The following RAP1GDS1 variants were observed in gnomAD, a reference collection of about 807,000 sequenced individuals.
The protein encoded by RAP1GDS1 is RAP1, GTP-GDP dissociation stimulator 1.
In RAP1GDS1, 35 loss-of-function variants were observed where a neutral mutation model predicts 71.1. The observed-to-expected ratio is 0.49, with a 90% confidence interval of 0.38 to 0.65. The LOEUF (loss-of-function observed/expected upper bound fraction) is 0.65. RAP1GDS1 is among the 30% of genes least tolerant of loss of function. The pLI is 0.00. For synonymous variants in RAP1GDS1, 229 were observed against 243.1 expected (o/e 0.94, Z 0.54); for missense variants, 663 against 706.1 (o/e 0.94, Z 0.69).
At position 98,261,541 on chromosome 4, in the gene RAP1GDS1, C is replaced by G. The variant is rs771977624; in HGVS notation, c.-25C>G. The stretch of plus-strand genomic sequence containing the variant: ...ACCACAGACCTTCGCCTCGCCCCGC[C>G]GGTTCCTCACCCTCGGGGAGCAACA... On this transcript the variant is annotated 5_prime_UTR_variant, in exon 1 of 15. Transcript: ENST00000408927. 5.0e-6 allele frequency: 8 copies of G among 1,598,722 alleles called. No individual in the cohort carries two copies. The highest frequency in any genetic ancestry group is 1.1e-5 in the South Asian group (1 of 89,330).
intron 2 of RAP1GDS1, among the ~76,000 whole-genome samples, chr4:98,319,463 G>C (rs946606391): frequency 6.6e-6 from 1 of 152,000 alleles, no homozygotes; most frequent in African/African-American, 2.4e-5. Context: ...TATTTTAAGA[G>C]CCATTATAGT....
intron 7 of RAP1GDS1, among the ~76,000 whole-genome samples, chr4:98,415,243 A>G (rs1485452385): frequency 6.6e-6 from 1 of 152,126 alleles, no homozygotes; most frequent in Admixed American, 6.6e-5. Context: ...AATCACTGTT[A>G]TTCTGTTTGT....
chr4:98,325,408 C>G (rs1254581530), intron 2 of RAP1GDS1, among the ~76,000 whole-genome samples: 1 of 151,296 alleles, frequency 6.6e-6, no homozygotes, highest in South Asian at 2.1e-4. Context: ...TTGACCCAGC[C>G]ATCCCATTAC....
intron 1 of RAP1GDS1, among the ~76,000 whole-genome samples, chr4:98,272,753 A>G (rs181117491): frequency 2.0e-4 from 30 of 152,256 alleles, no homozygotes; most frequent in African/African-American, 6.5e-4. Flanking sequence ...TCTTGGTCCA[A>G]TCACTGAACT....
In RAP1GDS1 at chr4:98,434,030, T is replaced by G. The variant is rs1485429811; in HGVS notation, c.1535T>G (p.Val512Gly). Residue 512 changes from valine (V) to glycine (G), a missense_variant, in exon 13 of 15, where the codon GTT (valine) becomes GGT (glycine). Transcript: ENST00000408927. ...EHVIMQNEAL[V>G]ALALIAALEL... Reference sequence around the variant, plus strand: ...GTAATAATGCAGAATGAAGCTCTTGTTGCTTTGGCATTAATAGCAGCTTTA... The same window carrying G: ...GTAATAATGCAGAATGAAGCTCTTGGTGCTTTGGCATTAATAGCAGCTTTA... 1 of 1,613,910 alleles carries G rather than the reference T, an allele frequency of 6.2e-7. No individual in the cohort carries two copies. The highest frequency in any genetic ancestry group is 2.2e-5 in the East Asian group (1 of 44,848).
intron 4 of RAP1GDS1, among the ~76,000 whole-genome samples, chr4:98,359,310 T>A (rs1359429029): frequency 6.6e-6 from 1 of 151,940 alleles, no homozygotes; most frequent in Non-Finnish European, 1.5e-5. Flanking sequence ...CCAAAAAAAG[T>A]GAAATTATGA....
rs193004384 is a variant in RAP1GDS1 at position 98,275,452 on chromosome 4, G to A, written c.4+13883G>A. On this transcript the variant is annotated intron_variant, in intron 1 of 14. Coordinates refer to ENST00000408927, the MANE Select transcript of RAP1GDS1 (RefSeq NM_001100427.2). ...GGCAATGCACAAAGGAATGAGTTGTGTTCCAATAAAATTTTATGGGCACTG... is the reference window on the plus strand; with the variant it reads ...GGCAATGCACAAAGGAATGAGTTGTATTCCAATAAAATTTTATGGGCACTG... 1.8e-3 allele frequency among the ~76,000 whole-genome samples: 270 copies of A among 152,232 alleles called. 3 individuals are homozygous for A. The highest frequency in any genetic ancestry group is 0.017 in the Admixed American group (263 of 15,290).
At chr4:98,382,499 T>A (rs1484138013) in intron 5 of RAP1GDS1, among the ~76,000 whole-genome samples, 1 of 151,564 alleles carries the variant, frequency 6.6e-6, no homozygotes, top group Non-Finnish European at 1.5e-5. Flanking sequence ...TTGAACTTGC[T>A]ATTTTTTTTT....
chr4:98,346,505 G>A (rs938422831), intron 3 of RAP1GDS1, among the ~76,000 whole-genome samples: 1 of 151,922 alleles, frequency 6.6e-6, no homozygotes, highest in Non-Finnish European at 1.5e-5. Context: ...AGTATACCTC[G>A]AGACCTCAGT....
chr4:98,354,839 A>T (rs1358877320), intron 4 of RAP1GDS1, among the ~76,000 whole-genome samples: 1 of 152,178 alleles, frequency 6.6e-6, no homozygotes, highest in East Asian at 1.9e-4. Context: ...ACTTTAGTTC[A>T]GGAAAATGAA....
At position 98,394,571 on chromosome 4, in the gene RAP1GDS1, G is replaced by A. The variant is rs140010941; in HGVS notation, c.637+2491G>A. On this transcript the variant is annotated intron_variant, in intron 6 of 14. Transcript: ENST00000408927. ...TTACAGCACCCGTATGAAGTAAACT[G>A]GGCCTAATCCTTACAGTTAACCCAA... 4.5e-3 allele frequency among the ~76,000 whole-genome samples: 681 copies of A among 152,158 alleles called. 3 individuals are homozygous for A. The highest frequency in any genetic ancestry group is 7.6e-3 in the Admixed American group (116 of 15,286).
chr4:98,413,625 G>T (rs1747445097), intron 7 of RAP1GDS1, among the ~76,000 whole-genome samples: 1 of 151,608 alleles, frequency 6.6e-6, no homozygotes, highest in Non-Finnish European at 1.5e-5. Context: ...ATCATTGTTG[G>T]ACATTTGGGT....
At chr4:98,341,428 T>C (rs772503968) in intron 2 of RAP1GDS1, among the ~76,000 whole-genome samples, 22 of 152,246 alleles carry the variant, frequency 1.4e-4, no homozygotes, top group Non-Finnish European at 2.9e-4. Context: ...CATTCCACTA[T>C]GATATTAAGC....
rs1267667050 is a variant in RAP1GDS1, at chr4:98,273,461, AATTT to A, written c.4+11896_4+11899del. On this transcript the variant is annotated intron_variant, in intron 1 of 14. Transcript: ENST00000408927. ...AAATATGATAACATTAATTGAACAC[AATTT>A]ATTGTGATTAAAAAATGAAAAGACT... Among the ~76,000 whole-genome samples the A allele has an allele frequency of 2.0e-5, 3 of 152,090 alleles. 1 individual carries two copies. Among genetic ancestry groups the A allele is most frequent in the African/African-American group, 7.2e-5 (3 of 41,438 alleles).
chr4:98,315,866 A>G (rs972198176), intron 2 of RAP1GDS1, among the ~76,000 whole-genome samples: 1 of 152,164 alleles, frequency 6.6e-6, no homozygotes, highest in Non-Finnish European at 1.5e-5. Context: ...AGAATATGGC[A>G]TATAGAGAGA....
At chr4:98,392,204 T>C in intron 6 of RAP1GDS1, 124 bp downstream of exon 6, 5 of 920,866 alleles carry the variant, frequency 5.4e-6, no homozygotes, top group South Asian at 2.3e-5. Flanking sequence ...TTGAAGCATT[T>C]GAGATATTTC....
At chr4:98,429,485 G>A (rs1207300077) in intron 12 of RAP1GDS1, among the ~76,000 whole-genome samples, 1 of 152,032 alleles carries the variant, frequency 6.6e-6, no homozygotes, top group Non-Finnish European at 1.5e-5. Context: ...ACAGACTTTG[G>A]GGACTTAGGG....
chr4:98,432,648 A>G (rs1750593392), intron 12 of RAP1GDS1, among the ~76,000 whole-genome samples: 1 of 152,134 alleles, frequency 6.6e-6, no homozygotes, highest in African/African-American at 2.4e-5. Flanking sequence ...ATGGAAGCAT[A>G]AAGCAAACCC....
At chr4:98,424,077 T>A (rs1578838989) in intron 12 of RAP1GDS1, among the ~76,000 whole-genome samples, 2 of 152,174 alleles carry the variant, frequency 1.3e-5, no homozygotes, top group South Asian at 2.1e-4. Context: ...GTGGTAGAAT[T>A]GACAGATTCA....
Sources: gnomAD v4.1 joint callset for allele counts (sites outside exome capture counted in the v4.1 genomes callset) on GRCh38, gnomAD v4.1.1 for gene constraint, MANE v1.5 for transcripts, NCBI Gene and HGNC (gene_info 2026-07-23, HGNC 2026-07-21) for gene names.